The following SFMBT2 variants were observed in gnomAD, a reference collection of about 807,000 sequenced individuals.
SFMBT2 encodes Scm like with four mbt domains 2, also known as scm-like with four MBT domains protein 2.
In SFMBT2, 38 loss-of-function variants were observed where a neutral mutation model predicts 110.1. The ratio of observed to expected loss-of-function variants is 0.35; its 90% CI spans 0.27 to 0.45. The LOEUF (loss-of-function observed/expected upper bound fraction) is 0.45, where lower values mean the gene tolerates loss of function less well. Among genes scored for constraint, SFMBT2 ranks in the 20% least tolerant of loss-of-function variants. SFMBT2 has a pLI of 1.00. For synonymous variants in SFMBT2, 425 were observed against 425.4 expected (o/e 1.00, Z 0.01); for missense variants, 1,011 against 1,094.9 (o/e 0.92, Z 1.08).
At chr10:7,358,438 T>C (rs1844596902) in intron 4 of SFMBT2, among the ~76,000 whole-genome samples, 1 of 151,998 alleles carries the variant, frequency 6.6e-6, no homozygotes, top group Non-Finnish European at 1.5e-5. Context: ...TGCATGGCCC[T>C]AGAACATCTG....
chr10:7,352,374 G>A (rs1012840934), intron 4 of SFMBT2, among the ~76,000 whole-genome samples: 41 of 152,188 alleles, frequency 2.7e-4, no homozygotes, highest in Admixed American at 2.0e-3. Context: ...CCAGGTGGGA[G>A]TACAGTGGTG....
At chr10:7,370,427 G>A (rs768669248) in intron 2 of SFMBT2, 52 bp from the exon 3 acceptor site, 1 of 1,458,732 alleles carries the variant, frequency 6.9e-7, no homozygotes, top group Admixed American at 1.7e-5. Context: ...AGGACAGAAA[G>A]GTGCTGGCCT....
chr10:7,389,149 A>G (rs1319365546), intron 1 of SFMBT2, among the ~76,000 whole-genome samples: 1 of 152,190 alleles, frequency 6.6e-6, no homozygotes, highest in Non-Finnish European at 1.5e-5. Flanking sequence ...GTGTCTGTGG[A>G]AACAGATAAT....
intron 8 of SFMBT2, among the ~76,000 whole-genome samples, chr10:7,247,121 T>G (rs1840642846): frequency 1.3e-5 from 2 of 152,120 alleles, no homozygotes; most frequent in South Asian, 4.1e-4. Flanking sequence ...TTTTTGTTGT[T>G]GTTTGTTTGT....
chr10:7,363,571 C>T (rs1588482295), intron 4 of SFMBT2, among the ~76,000 whole-genome samples: 3 of 152,186 alleles, frequency 2.0e-5, no homozygotes, highest in Admixed American at 6.5e-5. Context: ...TTGTCTCGAA[C>T]GCCTGACCTC....
chr10:7,202,353 C>A, intron 13 of SFMBT2, 127 bp downstream of exon 13: 1 of 1,182,578 alleles, frequency 8.5e-7, no homozygotes, highest in Non-Finnish European at 1.2e-6. Flanking sequence ...CTATGTTTTA[C>A]TGCTACCTCT....
chr10:7,399,149 G>A (rs1023682648), intron 1 of SFMBT2, among the ~76,000 whole-genome samples: 3 of 152,158 alleles, frequency 2.0e-5, no homozygotes, highest in African/African-American at 4.8e-5. Flanking sequence ...CTCGCCTGTG[G>A]AGCCCTGCAC....
At chr10:7,313,484 GTTT>G (rs987397153) in intron 4 of SFMBT2, among the ~76,000 whole-genome samples, 1 of 152,178 alleles carries the variant, frequency 6.6e-6, no homozygotes, top group African/African-American at 2.4e-5. Context: ...ATCTTCGATA[GTTT>G]TTGTGTTTTC....
rs1456103978 is a variant in SFMBT2, at chr10:7,171,489, G to GA, written c.2415+405dup. 2 of 985,258 alleles carry GA rather than the reference G, an allele frequency of 2.0e-6. No homozygotes were observed. The highest frequency in any genetic ancestry group is 4.7e-5 in the South Asian group (1 of 21,286). The allele number at this position is 985,258 out of a possible 1,614,324, so 61.0% of individuals were successfully genotyped here. On this transcript the variant is annotated intron_variant, in intron 19 of 20. Transcript: ENST00000397167. This position sits in a 1 kb window ranked among gnomAD's most constrained non-coding sequence, Gnocchi z 4.9. ...CCACCCATGGGGCTAGGGGAGACCT[G>GA]AAACACTGATTAAATATTTTAAAAC...
At chr10:7,229,727 GT>G (rs374010287) in intron 9 of SFMBT2, among the ~76,000 whole-genome samples, 52,519 of 145,536 alleles carry the variant, frequency 0.36, 9,435 homozygotes, top group South Asian at 0.4. Context: ...TGTTGTTGTT[GT>G]TTTTTTTTTT....
rs372539373 is a variant in SFMBT2, at chr10:7,381,070, C to T, written c.100+729G>A. ...CTCAAAACACACACACACACATACA[C>T]ACATACATACATACATACATACATA... On this transcript the variant is annotated intron_variant, in intron 2 of 20. Coordinates refer to ENST00000397167, the MANE Select transcript of SFMBT2 (RefSeq NM_001387889.1). 3.3e-5 allele frequency among the ~76,000 whole-genome samples: 5 copies of T among 149,386 alleles called. No individual in the cohort carries two copies. The South Asian group carries it at 8.6e-4, about 26-fold the overall frequency.
At chr10:7,355,264 C>T (rs1216807975) in intron 4 of SFMBT2, among the ~76,000 whole-genome samples, 1 of 152,012 alleles carries the variant, frequency 6.6e-6, no homozygotes, top group Non-Finnish European at 1.5e-5. Context: ...TAGGGAAATG[C>T]AAATTAAAAT....
intron 9 of SFMBT2, among the ~76,000 whole-genome samples, chr10:7,235,743 T>A (rs573232205): frequency 4.6e-5 from 7 of 151,250 alleles, no homozygotes; most frequent in Admixed American, 4.6e-4. Flanking sequence ...GAACAACAGA[T>A]AAAAATACAG....
intron 4 of SFMBT2, among the ~76,000 whole-genome samples, chr10:7,290,513 C>G (rs1842231385): frequency 1.3e-5 from 2 of 152,010 alleles, no homozygotes; most frequent in Admixed American, 1.3e-4. Flanking sequence ...AAAGATGGAC[C>G]CAAATCCCAC....
At chr10:7,308,395 T>C (rs1842755711) in intron 4 of SFMBT2, among the ~76,000 whole-genome samples, 1 of 151,958 alleles carries the variant, frequency 6.6e-6, no homozygotes, top group African/African-American at 2.4e-5. Flanking sequence ...ATTTAGCACC[T>C]ATTAAAAGGC....
intron 20 of SFMBT2, among the ~76,000 whole-genome samples, chr10:7,169,652 G>A (rs940910831): frequency 5.3e-5 from 8 of 152,040 alleles, no homozygotes; most frequent in African/African-American, 1.2e-4. Flanking sequence ...CCAGGACAAC[G>A]CAAGAAACTT....
chr10:7,362,033 C>A (rs1272519273), intron 4 of SFMBT2, among the ~76,000 whole-genome samples: 1 of 152,184 alleles, frequency 6.6e-6, no homozygotes, highest in Non-Finnish European at 1.5e-5. Context: ...CTGCCCCTTG[C>A]AAGCATTGCA....
intron 8 of SFMBT2, among the ~76,000 whole-genome samples, chr10:7,247,410 C>T (rs1840654321): frequency 2.0e-5 from 3 of 152,112 alleles, no homozygotes; most frequent in Non-Finnish European, 4.4e-5. Context: ...AGTCACTGTG[C>T]CCAGCTCCGA....
At position 7,363,709 on chromosome 10, in the gene SFMBT2, G is replaced by A. The variant is rs1016551998; in HGVS notation, c.436+3940C>T. ...TGTCTTTATTAGCAGTGTGAGAACA[G>A]ACTAATACCCCCCTCATGCAAAGAT... On this transcript the variant is annotated intron_variant, in intron 4 of 20. Transcript: ENST00000397167. 3.9e-5 allele frequency among the ~76,000 whole-genome samples: 6 copies of A among 152,102 alleles called. No homozygotes were observed. The East Asian group carries it at 9.6e-4, about 24-fold the overall frequency.
Sources: gnomAD v4.1 joint callset for allele counts (sites outside exome capture counted in the v4.1 genomes callset) on GRCh38, gnomAD v4.1.1 for gene constraint, Gnocchi (gnomAD v3.1) non-coding constraint, MANE v1.5 for transcripts, NCBI Gene and HGNC (gene_info 2026-07-23, HGNC 2026-07-21) for gene names.